Variants in SEPTIN14 observed in about 807,000 individuals in gnomAD.
The protein encoded by SEPTIN14 is septin 14, also known as septin-14.
In SEPTIN14, 40 loss-of-function variants were observed where a neutral mutation model predicts 53.6. The observed-to-expected ratio is 0.75, with a 90% CI of 0.58 to 0.97. SEPTIN14 has a LOEUF of 0.97. Ranked by LOEUF, SEPTIN14 falls within the 50% of genes least tolerant of loss-of-function variation. SEPTIN14 has a pLI of 0.00. For synonymous variants in SEPTIN14, 138 were observed against 166.8 expected, an observed-to-expected ratio of 0.83 and a Z score of 1.33; for missense variants, 471 against 508.2, an observed-to-expected ratio of 0.93 and a Z score of 0.70.
At chr7:55,805,660 A>G (rs1372077756) in intron 8 of SEPTIN14, among the ~76,000 whole-genome samples, 1 of 152,218 alleles carries the variant, frequency 6.6e-6, no homozygotes, top group Non-Finnish European at 1.5e-5. Flanking sequence ...GGAAATTTCC[A>G]TATCATAAGA....
At chr7:55,856,250 A>G (rs1789621776) in intron 2 of SEPTIN14, among the ~76,000 whole-genome samples, 2 of 152,134 alleles carry the variant, frequency 1.3e-5, no homozygotes, top group African/African-American at 4.8e-5. Flanking sequence ...ACCCCCACTT[A>G]TAAATGAGAA....
intron 2 of SEPTIN14, among the ~76,000 whole-genome samples, chr7:55,858,719 G>A (rs908908907): frequency 3.9e-5 from 6 of 152,116 alleles, no homozygotes; most frequent in South Asian, 2.1e-4. Context: ...CAGGAGAATC[G>A]CTTGAACTCA....
intron 7 of SEPTIN14, chr7:55,811,234 G>A (rs1322027481): frequency 3.4e-5 from 18 of 525,460 alleles, no homozygotes; most frequent in African/African-American, 1.2e-4. Flanking sequence ...TTGGGGAGCC[G>A]CAGGATCTGG....
chr7:55,812,713 C>T (rs1788722786), intron 7 of SEPTIN14, among the ~76,000 whole-genome samples: 2 of 151,958 alleles, frequency 1.3e-5, no homozygotes, highest in African/African-American at 4.8e-5. Flanking sequence ...AATCATAGTA[C>T]CTGATTTTAA....
intron 2 of SEPTIN14, among the ~76,000 whole-genome samples, chr7:55,848,898 C>T (rs899210335): frequency 3.3e-5 from 5 of 151,892 alleles, no homozygotes; most frequent in African/African-American, 7.3e-5. Context: ...TGAGCCACCG[C>T]GCCTGGCCTA....
rs557885068 is a variant in SEPTIN14 at position 55,813,954 on chromosome 7, T to C, written c.817+5173A>G. On this transcript the variant is annotated intron_variant, in intron 7 of 9. Coordinates refer to ENST00000388975, the MANE Select transcript of SEPTIN14 (RefSeq NM_207366.3). ...CCCAGTAATTTGCTGGTTTCATATG[T>C]GACCCAGCACAGTACCAGCTGTGAT... is the stretch of plus-strand genomic sequence containing the variant. 5.9e-5 allele frequency among the ~76,000 whole-genome samples: 9 copies of C among 152,284 alleles called. No individual in the cohort carries two copies. The South Asian group carries it at 1.7e-3, about 28-fold the overall frequency.
In SEPTIN14 at chr7:55,843,130, T is replaced by C. The variant is rs755221741; in HGVS notation, c.372-2A>G. ...ATGTAGTCAACTATTGGTTGGTAGC[T>C]AAAAAAAAATTTATACATTTAGCAT... On this transcript the variant is annotated splice_acceptor_variant, in intron 4 of 9. Coordinates refer to ENST00000388975, the MANE Select transcript of SEPTIN14 (RefSeq NM_207366.3). LOFTEE classifies it high-confidence loss of function. 3.3e-6 allele frequency: 5 copies of C among 1,537,502 alleles called. No individual in the cohort carries two copies. The highest frequency in any genetic ancestry group is 4.4e-6 in the Non-Finnish European group (5 of 1,144,260).
intron 9 of SEPTIN14, among the ~76,000 whole-genome samples, chr7:55,799,709 T>C (rs546882102): frequency 6.6e-5 from 10 of 152,034 alleles, no homozygotes; most frequent in Non-Finnish European, 1.5e-4. Flanking sequence ...TCATCAAATA[T>C]ATGACAACAT....
At chr7:55,849,623 G>A (rs983604222) in intron 2 of SEPTIN14, among the ~76,000 whole-genome samples, 3 of 152,034 alleles carry the variant, frequency 2.0e-5, no homozygotes, top group Non-Finnish European at 2.9e-5. Flanking sequence ...GCACACGCCT[G>A]TAATACCAGC....
chr7:55,858,474 C>T (rs190190095), intron 2 of SEPTIN14, among the ~76,000 whole-genome samples: 201 of 152,260 alleles, frequency 1.3e-3, no homozygotes, highest in Non-Finnish European at 2.1e-3. Context: ...CAAACCAACC[C>T]CACCCTCAAC....
Position 55,801,384 on chromosome 7 carries a change from T to G in SEPTIN14, c.1119+3874A>C, listed in dbSNP as rs141593449. 5.2e-3 allele frequency among the ~76,000 whole-genome samples: 788 copies of G among 152,062 alleles called. 2 individuals are homozygous for G. Among genetic ancestry groups the G allele is most frequent in the Middle Eastern group, 0.01 (3 of 294 alleles). ...ACCACTGACACCAAAGAAATACAAA[T>G]GATCATGAGACTACTATGAAAAATT... On this transcript the variant is annotated intron_variant, in intron 9 of 9. Coordinates refer to ENST00000388975, the MANE Select transcript of SEPTIN14 (RefSeq NM_207366.3).
intron 3 of SEPTIN14, among the ~76,000 whole-genome samples, chr7:55,846,065 G>GTATA (rs56306800): frequency 0.064 from 2,551 of 39,652 alleles, 359 homozygotes; most frequent in South Asian, 0.1. Context: ...AAAAAAAAAA[G>GTATA]TATATATATA....
intron 6 of SEPTIN14, among the ~76,000 whole-genome samples, chr7:55,833,431 TAA>T (rs937995076): frequency 1.3e-5 from 2 of 151,540 alleles, no homozygotes; most frequent in African/African-American, 4.8e-5. Context: ...AAATAGAGAA[TAA>T]AAAAAATTTT....
At chr7:55,808,697 G>A in intron 7 of SEPTIN14, among the ~76,000 whole-genome samples, 1 of 152,046 alleles carries the variant, frequency 6.6e-6, no homozygotes, top group East Asian at 1.9e-4. Flanking sequence ...GATTACAGAA[G>A]TCCACCACCA....
intron 5 of SEPTIN14, among the ~76,000 whole-genome samples, chr7:55,836,323 T>C (rs1168842634): frequency 6.6e-6 from 1 of 152,212 alleles, no homozygotes; most frequent in Non-Finnish European, 1.5e-5. Flanking sequence ...TTATTACTGT[T>C]AAAATATCTT....
rs1184859487 is a variant in SEPTIN14 at position 55,795,462 on chromosome 7, C to CCT, written c.*450_*451insAG. 54 of 117,898 alleles carry CCT rather than the reference C, an allele frequency of 4.6e-4. 4 individuals are homozygous for CCT. The highest frequency in any genetic ancestry group is 1.1e-3 in the African/African-American group (34 of 30,396). 7.3% of individuals were successfully genotyped at this position (117,898 alleles called of 1,614,324 possible). The stretch of plus-strand genomic sequence containing the variant: ...AGGATCTGCCTTCTGGGAGTTCATA[C>CCT]TTTTTTTTTTTTTTTTTTTTTTGAG... On this transcript the variant is annotated 3_prime_UTR_variant, in exon 10 of 10. Coordinates refer to ENST00000388975, the MANE Select transcript of SEPTIN14 (RefSeq NM_207366.3).
Position 55,795,973 on chromosome 7 carries a change from G to A in SEPTIN14, c.1239C>T (p.Ser413=), listed in dbSNP as rs545418879. The A allele has an allele frequency of 1.1e-4, 181 of 1,592,114 alleles. 1 individual carries two copies. Among genetic ancestry groups the A allele is most frequent in the African/African-American group, 9.1e-4 (68 of 74,810 alleles). ...TGCTCAGCTGAGTCTGCAGTGCTTC[G>A]GAGGCAGCTTTCATTTTATAAAAAT... ...IIDFYKMKAA[S]EALQTQLSTD... The change falls in exon 10 of 10, where the codon TCC becomes TCT. Residue 413 remains serine (S), a synonymous_variant. Transcript: ENST00000388975.
At position 55,833,015 on chromosome 7, in the gene SEPTIN14, T is replaced by G. The variant is rs148936508; in HGVS notation, c.720+1410A>C. Among the ~76,000 whole-genome samples, 697 of 152,256 alleles carry G rather than the reference T, an allele frequency of 4.6e-3. 4 individuals carry two copies. Among genetic ancestry groups the G allele is most frequent in the Middle Eastern group, 0.017 (5 of 294 alleles). On this transcript the variant is annotated intron_variant, in intron 6 of 9. Transcript: ENST00000388975. ...TTCTATAGTAGTAAACACCTACATC[T>G]TTTTTTAAAAAAAGATCTCGCCTGT...
intron 2 of SEPTIN14, among the ~76,000 whole-genome samples, chr7:55,851,920 A>G (rs1009210380): frequency 6.6e-6 from 1 of 152,124 alleles, no homozygotes. Flanking sequence ...AGGCGGGTGG[A>G]TCATGAGGTC....
Sources: allele counts gnomAD v4.1 joint callset (sites outside exome capture counted in the v4.1 genomes callset), GRCh38; gene constraint gnomAD v4.1.1; transcripts MANE v1.5; gene names NCBI Gene and HGNC (gene_info 2026-07-23, HGNC 2026-07-21).